Variants in FOXP2 observed in about 807,000 individuals in gnomAD.
FOXP2 encodes forkhead box protein P2.
In FOXP2, 12 loss-of-function variants were observed where a neutral mutation model predicts 115.8. The ratio of observed to expected loss-of-function variants is 0.10; its 90% CI spans 0.07 to 0.17. The LOEUF (loss-of-function observed/expected upper bound fraction) is 0.17. Ranked by LOEUF, FOXP2 falls within the 10% of genes least tolerant of loss-of-function variation. FOXP2 has a pLI of 1.00. For missense variants in FOXP2, 629 were observed against 843.5 expected, an observed-to-expected ratio of 0.75 and a Z score of 3.15; for synonymous variants, 328 against 297.7, an observed-to-expected ratio of 1.10 and a Z score of -1.05.
chr7:114,523,434 C>T (rs1041006137), intron 2 of FOXP2, among the ~76,000 whole-genome samples: 3 of 152,134 alleles, frequency 2.0e-5, no homozygotes, highest in African/African-American at 7.2e-5. Flanking sequence ...GTTCCAGCCT[C>T]GGTGACATAT....
chr7:114,385,237 A>G (rs987950571), intron 2 of FOXP2, among the ~76,000 whole-genome samples: 5 of 152,124 alleles, frequency 3.3e-5, no homozygotes, highest in African/African-American at 1.2e-4. Flanking sequence ...GAGCCTCCTT[A>G]GATCCCTTCG....
At chr7:114,668,579 T>A (rs534589138) in intron 16 of FOXP2, 16 of 152,290 alleles carry the variant, frequency 1.1e-4, no homozygotes, top group Non-Finnish European at 1.6e-4. Flanking sequence ...GACCATGCAC[T>A]CTGCTCCACA....
At chr7:114,578,831 T>C (rs934434265) in intron 3 of FOXP2, among the ~76,000 whole-genome samples, 2 of 152,116 alleles carry the variant, frequency 1.3e-5, no homozygotes, top group Non-Finnish European at 2.9e-5. Context: ...GGTTCCTCAG[T>C]GATTTCCTCA....
At chr7:114,333,610 A>G (rs1797769076) in intron 2 of FOXP2, among the ~76,000 whole-genome samples, 1 of 152,168 alleles carries the variant, frequency 6.6e-6, no homozygotes, top group Non-Finnish European at 1.5e-5. Context: ...AAAATTAGTC[A>G]GTCATGGTGG....
At chr7:114,118,362 A>G (rs768223112) in intron 1 of FOXP2, among the ~76,000 whole-genome samples, 1 of 152,152 alleles carries the variant, frequency 6.6e-6, no homozygotes, top group Non-Finnish European at 1.5e-5. Context: ...TTTCAAAATT[A>G]CTGAAGATAG....
At chr7:114,666,427 A>C (rs951049504) in intron 16 of FOXP2, 1 of 152,102 alleles carries the variant, frequency 6.6e-6, no homozygotes, top group Non-Finnish European at 1.5e-5. Flanking sequence ...AGTATTCTCT[A>C]TCTTCACCTT....
chr7:114,373,049 GT>G (rs1288666018), intron 2 of FOXP2, among the ~76,000 whole-genome samples: 1 of 151,666 alleles, frequency 6.6e-6, no homozygotes, highest in East Asian at 1.9e-4. Flanking sequence ...CTGAAGTGCA[GT>G]GCGGCGATCT....
intron 1 of FOXP2, among the ~76,000 whole-genome samples, chr7:114,101,977 C>T (rs1174432254): frequency 6.7e-6 from 1 of 149,834 alleles, no homozygotes; most frequent in South Asian, 2.1e-4. Context: ...TCTGTTTCAT[C>T]TCAGTTATCT....
intron 2 of FOXP2, among the ~76,000 whole-genome samples, chr7:114,392,229 C>T (rs1207531371): frequency 6.6e-6 from 1 of 151,256 alleles, no homozygotes; most frequent in Non-Finnish European, 1.5e-5. Context: ...TGTTGAGATC[C>T]TCTTGGGAAG....
intron 1 of FOXP2, among the ~76,000 whole-genome samples, chr7:114,142,393 G>A (rs1048884501): frequency 6.6e-6 from 1 of 151,982 alleles, no homozygotes; most frequent in African/African-American, 2.4e-5. Flanking sequence ...ACTATTATTT[G>A]TAGATAAATA....
At chr7:114,504,013 G>T (rs942851376) in intron 2 of FOXP2, among the ~76,000 whole-genome samples, 1 of 151,518 alleles carries the variant, frequency 6.6e-6, no homozygotes, top group Non-Finnish European at 1.5e-5. Flanking sequence ...AAGTTCAAAT[G>T]CCAAATATGA....
At chr7:114,317,037 C>G (rs1527153) in intron 2 of FOXP2, among the ~76,000 whole-genome samples, 96,749 of 151,942 alleles carry the variant, frequency 0.64, 31,807 homozygotes, top group Middle Eastern at 0.81. Flanking sequence ...TCTGCTGAAA[C>G]TTTGGTTTAA....
At chr7:114,626,268 G>A (rs1206478319) in intron 3 of FOXP2, among the ~76,000 whole-genome samples, 2 of 151,598 alleles carry the variant, frequency 1.3e-5, no homozygotes, top group African/African-American at 4.8e-5. Flanking sequence ...TTATCAAATC[G>A]ATCACAATAG....
chr7:114,372,174 A>G (rs987319915), intron 2 of FOXP2, among the ~76,000 whole-genome samples: 3 of 152,206 alleles, frequency 2.0e-5, no homozygotes, highest in Non-Finnish European at 4.4e-5. Context: ...TATTCCCAGG[A>G]AAACTTAACT....
chr7:114,630,277 T>A (rs1804830254), intron 5 of FOXP2, among the ~76,000 whole-genome samples: 1 of 152,116 alleles, frequency 6.6e-6, no homozygotes, highest in Non-Finnish European at 1.5e-5. Context: ...GACAAAGTAC[T>A]GATTATCTTG....
chr7:114,401,081 G>A (rs943597755), intron 2 of FOXP2, among the ~76,000 whole-genome samples: 2 of 152,064 alleles, frequency 1.3e-5, no homozygotes, highest in African/African-American at 4.8e-5. Flanking sequence ...TAGAGGGTGA[G>A]GAACGTGATT....
At chr7:114,626,817 T>C (rs1012905465) in intron 3 of FOXP2, among the ~76,000 whole-genome samples, 3 of 151,872 alleles carry the variant, frequency 2.0e-5, no homozygotes, top group Admixed American at 6.6e-5. Context: ...TGACAGTCAA[T>C]TTTATAAAAC....
intron 13 of FOXP2, 35 bp from the exon 14 acceptor site, chr7:114,662,030 T>C: frequency 6.2e-7 from 1 of 1,610,972 alleles, no homozygotes. Context: ...ACAATATTAT[T>C]TTTGCCATTT....
At chr7:114,557,356 T>C (rs1049050161) in intron 3 of FOXP2, among the ~76,000 whole-genome samples, 1 of 152,192 alleles carries the variant, frequency 6.6e-6, no homozygotes, top group African/African-American at 2.4e-5. Context: ...GTACTATGTC[T>C]CTTAATCCTA....
Sources: gnomAD v4.1 joint callset for allele counts (sites outside exome capture counted in the v4.1 genomes callset) on GRCh38, gnomAD v4.1.1 for gene constraint, MANE v1.5 for transcripts, NCBI Gene and HGNC (gene_info 2026-07-23, HGNC 2026-07-21) for gene names.